KRT82: variants seen among roughly 807,000 people sequenced by gnomAD.
The protein encoded by KRT82 is keratin, type II cuticular Hb2.
Under a neutral mutation model 48.0 loss-of-function variants are expected in KRT82, and 44 were observed. The ratio of observed to expected loss-of-function variants is 0.92; its 90% CI spans 0.72 to 1.18. The LOEUF (loss-of-function observed/expected upper bound fraction) is 1.18, where lower values mean the gene tolerates loss of function less well. Ranked by LOEUF, KRT82 falls within the 50% of genes most tolerant of loss-of-function variation. The pLI, the probability that KRT82 is intolerant of heterozygous loss-of-function variation, is 0.00. For missense variants in KRT82, 701 were observed against 671.4 expected, an observed-to-expected ratio of 1.04 and a Z score of -0.49; for synonymous variants, 297 against 278.3, an observed-to-expected ratio of 1.07 and a Z score of -0.67.
intron 7 of KRT82, 90 bp from the exon 8 acceptor site, chr12:52,395,880 C>A (rs1226826489): frequency 3.4e-6 from 5 of 1,475,906 alleles, no homozygotes; most frequent in Non-Finnish European, 4.6e-6. Flanking sequence ...TCATTGTGGA[C>A]CATGTGCTGC....
At chr12:52,402,635 T>A (rs1415467576) in intron 2 of KRT82, among the ~76,000 whole-genome samples, 2 of 152,220 alleles carry the variant, frequency 1.3e-5, no homozygotes, top group East Asian at 1.9e-4. Flanking sequence ...TTCTTGGGAT[T>A]CCTCTCCCTT....
rs1413597231 is a variant in KRT82 at position 52,396,026 on chromosome 12, C to T, written c.1275G>A (p.Glu425=). The change falls in exon 7 of 9, where the codon GAG becomes GAA. Residue 425 remains glutamate, a synonymous_variant. Transcript: ENST00000257974. ...GAGGAGCTCACCTGTGCTCTTCACC[C>T]TCCAGCAGGCGCCTGTAGGTGGCGA... ...IEIATYRRLL[E]GEEHRLCEGI... 6.2e-7 allele frequency: 1 copy of T among 1,614,066 alleles called. No individual in the cohort carries two copies. Among genetic ancestry groups the T allele is most frequent in the East Asian group, 2.2e-5 (1 of 44,864 alleles).
intron 3 of KRT82, 69 bp downstream of exon 3, chr12:52,401,220 T>G (rs909237894): frequency 1.5e-6 from 2 of 1,358,882 alleles, no homozygotes; most frequent in Admixed American, 1.7e-5. Flanking sequence ...TGGACTGAGT[T>G]CAGGGCTAGG....
chr12:52,398,346 A>G (rs2857660), intron 5 of KRT82, among the ~76,000 whole-genome samples: 63,453 of 151,940 alleles, frequency 0.42, 13,972 homozygotes, highest in Non-Finnish European at 0.49. Flanking sequence ...AGGATGGAGC[A>G]TGTATTACAG....
chr12:52,399,656 A>C (rs1939760033), intron 5 of KRT82, among the ~76,000 whole-genome samples: 1 of 152,208 alleles, frequency 6.6e-6, no homozygotes, highest in Admixed American at 6.5e-5. Flanking sequence ...ATTACAGTTC[A>C]GTAAAACCAA....
Position 52,400,510 on chromosome 12 carries a change from G to A in KRT82, c.777+17C>T, listed in dbSNP as rs754612304. 1.9e-6 allele frequency: 3 copies of A among 1,602,656 alleles called. No individual in the cohort carries two copies. The highest frequency in any genetic ancestry group is 1.3e-5 in the African/African-American group (1 of 74,682). ...CTCCAGCCCTGACTAACCACCCAAGGTCAGGGCTGTGGGTACCTCCTCATA... is the reference window on the plus strand; with the variant it reads ...CTCCAGCCCTGACTAACCACCCAAGATCAGGGCTGTGGGTACCTCCTCATA... On this transcript the variant is annotated intron_variant, in intron 4 of 8. Transcript: ENST00000257974.
chr12:52,396,270 T>G, intron 6 of KRT82, 38 bp from the exon 7 acceptor site: 2 of 1,567,118 alleles, frequency 1.3e-6, no homozygotes, highest in South Asian at 1.1e-5. Flanking sequence ...CTGGGGGCCC[T>G]GGAGCCCCAA....
At chr12:52,400,715 C>G in intron 3 of KRT82, 93 bp from the exon 4 acceptor site, 1 of 862,240 alleles carries the variant, frequency 1.2e-6, no homozygotes. Flanking sequence ...CCTTTCCTCA[C>G]GAACACCCAT....
Position 52,395,175 on chromosome 12 carries a change from C to A in KRT82, c.1342G>T (p.Ala448Ser). ...VNISVSSSKGAFLYEPCGVST... is the reference protein window; with the variant it reads ...VNISVSSSKGSFLYEPCGVST... Reference sequence around the variant, plus strand: ...ACCCCACATGGCTCGTACAGGAAGGCGCCTTTGGAGCTGCTCACTGCTGTG... The same window carrying A: ...ACCCCACATGGCTCGTACAGGAAGGAGCCTTTGGAGCTGCTCACTGCTGTG... Residue 448 changes from alanine to serine, a missense_variant, in exon 9 of 9, where the codon GCC (alanine) becomes TCC (serine). Coordinates refer to ENST00000257974, the MANE Select transcript of KRT82 (RefSeq NM_033033.4). 1 of 1,613,814 alleles carries A rather than the reference C, an allele frequency of 6.2e-7. No individual in the cohort carries two copies. Among genetic ancestry groups the A allele is most frequent in the Non-Finnish European group, 8.5e-7 (1 of 1,179,930 alleles).
At chr12:52,404,463 G>A (rs528924451) in intron 1 of KRT82, among the ~76,000 whole-genome samples, 1 of 152,274 alleles carries the variant, frequency 6.6e-6, no homozygotes, top group East Asian at 1.9e-4. Flanking sequence ...AAAAAGTCCA[G>A]GTCCTAGTAA....
In KRT82 at chr12:52,405,865, A is replaced by T. The variant is rs1334150874; in HGVS notation, c.411+2T>A. The T allele has an allele frequency of 6.2e-7, 1 of 1,607,878 alleles. No individual in the cohort carries two copies. Among genetic ancestry groups the T allele is most frequent in the Non-Finnish European group, 8.5e-7 (1 of 1,176,046 alleles). On this transcript the variant is annotated splice_donor_variant, in intron 1 of 8. Coordinates refer to ENST00000257974, the MANE Select transcript of KRT82 (RefSeq NM_033033.4). LOFTEE classifies it high-confidence loss of function. ...CACGGCCCTGGGCCACTGCCCCCTT[A>T]CCTTGTTGATGAAAGATGCGAAACG...
chr12:52,400,223 C>G, intron 4 of KRT82, 74 bp from the exon 5 acceptor site: 1 of 1,463,740 alleles, frequency 6.8e-7, no homozygotes, highest in Non-Finnish European at 9.4e-7. Flanking sequence ...AGAACCCGTT[C>G]TGACCTTCCC....
chr12:52,400,345 G>T (rs557057425), intron 4 of KRT82, among the ~76,000 whole-genome samples, 182 bp downstream of exon 4: 1 of 152,216 alleles, frequency 6.6e-6, no homozygotes, highest in Non-Finnish European at 1.5e-5. Context: ...TCCCAGAGGG[G>T]CCTGTGAGCC....
At chr12:52,401,208 T>G in intron 3 of KRT82, 81 bp downstream of exon 3, 1 of 1,210,446 alleles carries the variant, frequency 8.3e-7, no homozygotes, top group Non-Finnish European at 1.2e-6. Context: ...TGCAGACACG[T>G]TTGGACTGAG....
chr12:52,399,741 A>G (rs1020884023), intron 5 of KRT82, among the ~76,000 whole-genome samples: 1 of 152,286 alleles, frequency 6.6e-6, no homozygotes, highest in African/African-American at 2.4e-5. Flanking sequence ...GCGCCCTGGC[A>G]CCCTGATGAC....
At chr12:52,402,821 C>G (rs1220343843) in intron 2 of KRT82, among the ~76,000 whole-genome samples, 10 of 152,168 alleles carry the variant, frequency 6.6e-5, no homozygotes, top group Admixed American at 5.9e-4. Flanking sequence ...TGACCCAAAC[C>G]CTTATGACCT....
At chr12:52,405,818 C>T (rs1939844221) in intron 1 of KRT82, 49 bp downstream of exon 1, 1 of 1,551,072 alleles carries the variant, frequency 6.4e-7, no homozygotes, top group South Asian at 1.2e-5. Context: ...AGACCAGACC[C>T]CAGATCTGCA....
intron 5 of KRT82, among the ~76,000 whole-genome samples, chr12:52,397,433 A>AGGATG (rs1939730791): frequency 6.6e-6 from 1 of 152,240 alleles, no homozygotes; most frequent in Admixed American, 6.5e-5. Context: ...TCTGCCCATC[A>AGGATG]GGATGAGAAC....
At chr12:52,400,646 G>A (rs1939777089) in intron 3 of KRT82, 24 bp from the exon 4 acceptor site, 4 of 1,583,210 alleles carry the variant, frequency 2.5e-6, no homozygotes, top group Non-Finnish European at 3.5e-6. Context: ...GGGACAGAAT[G>A]TGACCTGGCT....
Sources: allele counts gnomAD v4.1 joint callset (sites outside exome capture counted in the v4.1 genomes callset), GRCh38; gene constraint gnomAD v4.1.1; transcripts MANE v1.5; gene names NCBI Gene and HGNC (gene_info 2026-07-23, HGNC 2026-07-21).